ZNF704: variants seen among roughly 807,000 people sequenced by gnomAD.
ZNF704 encodes the protein zinc finger protein 704, also known as glucocorticoid induced gene 1.
Under a neutral mutation model 44.7 loss-of-function variants are expected in ZNF704, and 10 were observed. That is an observed-to-expected ratio of 0.22 (90% confidence interval 0.14 to 0.38). ZNF704 has a LOEUF of 0.38. Among genes scored for constraint, ZNF704 ranks in the 10% least tolerant of loss-of-function variants. The pLI is 1.00. For missense variants in ZNF704, 390 were observed against 545.5 expected, an observed-to-expected ratio of 0.71 and a Z score of 2.84; for synonymous variants, 211 against 207.6, an observed-to-expected ratio of 1.02 and a Z score of -0.14.
intron 1 of ZNF704, among the ~76,000 whole-genome samples, chr8:80,862,556 T>A (rs1362200691): frequency 2.1e-5 from 3 of 144,188 alleles, no homozygotes; most frequent in Admixed American, 7.0e-5. Context: ...GGGCGAGAGT[T>A]CGAGACCAGC....
At chr8:80,756,575 T>C (rs1231694041) in intron 2 of ZNF704, among the ~76,000 whole-genome samples, 1 of 152,236 alleles carries the variant, frequency 6.6e-6, no homozygotes, top group African/African-American at 2.4e-5. Context: ...TATGCACTTC[T>C]AGTTGTCACA....
intron 7 of ZNF704, among the ~76,000 whole-genome samples, chr8:80,643,773 G>A (rs1817784082): frequency 6.6e-6 from 1 of 151,806 alleles, no homozygotes; most frequent in Non-Finnish European, 1.5e-5. Context: ...TATTTCTTTT[G>A]ATCCTCATGA....
At chr8:80,684,667 T>C (rs1818505298) in intron 4 of ZNF704, among the ~76,000 whole-genome samples, 1 of 152,238 alleles carries the variant, frequency 6.6e-6, no homozygotes, top group African/African-American at 2.4e-5. Context: ...AAAATAACTG[T>C]ATTACAGTTA....
At chr8:80,835,135 C>A (rs919537756) in intron 1 of ZNF704, among the ~76,000 whole-genome samples, 2 of 152,064 alleles carry the variant, frequency 1.3e-5, no homozygotes, top group Admixed American at 6.5e-5. Flanking sequence ...AAGTTTCAAG[C>A]CTTTTATTTA....
intron 7 of ZNF704, among the ~76,000 whole-genome samples, chr8:80,651,115 C>A (rs565586753): frequency 1.3e-5 from 2 of 152,164 alleles, no homozygotes; most frequent in Non-Finnish European, 2.9e-5. Flanking sequence ...CAAGCAAATG[C>A]TGAGAGATTT....
chr8:80,727,477 GCA>G (rs1202482758), intron 2 of ZNF704, among the ~76,000 whole-genome samples: 1 of 151,310 alleles, frequency 6.6e-6, no homozygotes, highest in African/African-American at 2.4e-5. Flanking sequence ...TAACCAAAAC[GCA>G]CAGTTTGCTT....
At chr8:80,687,144 T>C (rs1225853110) in intron 4 of ZNF704, 82 bp downstream of exon 4, 1 of 1,228,400 alleles carries the variant, frequency 8.1e-7, no homozygotes, top group Non-Finnish European at 1.2e-6. Context: ...GGTCCAAGGT[T>C]AAGCTCACAC....
At chr8:80,769,251 T>A (rs1343432784) in intron 2 of ZNF704, among the ~76,000 whole-genome samples, 1 of 152,196 alleles carries the variant, frequency 6.6e-6, no homozygotes. Flanking sequence ...TACTCAGCAA[T>A]TATTAAATTA....
chr8:80,874,171 G>A lies in ZNF704; in HGVS notation c.-22+400C>T, dbSNP rs1280302063. ...GCCGCAAGGGGCTGCAGGAGCCGCC[G>A]GCCAGGACCCGCGGCTGCCACTGGC... On this transcript the variant is annotated intron_variant, in intron 1 of 8. Transcript: ENST00000327835. This position sits in a 1 kb window ranked among gnomAD's most constrained non-coding sequence, Gnocchi z 4.4. Among the ~76,000 whole-genome samples the A allele has an allele frequency of 6.8e-6, 1 of 146,542 alleles. No individual in the cohort carries two copies. Among genetic ancestry groups the A allele is most frequent in the African/African-American group, 2.4e-5 (1 of 40,896 alleles).
intron 1 of ZNF704, among the ~76,000 whole-genome samples, chr8:80,823,507 G>C (rs1808315334): frequency 6.6e-6 from 1 of 152,236 alleles, no homozygotes. Flanking sequence ...GGGCACAGCT[G>C]AACAAAAGGC....
chr8:80,786,131 C>T (rs1807609883), intron 2 of ZNF704, among the ~76,000 whole-genome samples: 1 of 152,128 alleles, frequency 6.6e-6, no homozygotes, highest in South Asian at 2.1e-4. Flanking sequence ...GGCATGGTGA[C>T]ATACACCTGT....
intron 2 of ZNF704, among the ~76,000 whole-genome samples, chr8:80,776,203 G>C (rs1296313831): frequency 6.6e-6 from 1 of 151,960 alleles, no homozygotes; most frequent in East Asian, 1.9e-4. Flanking sequence ...TCACTATTTT[G>C]GATTATTTAC....
chr8:80,752,522 G>A (rs1806960915), intron 2 of ZNF704, among the ~76,000 whole-genome samples: 1 of 149,540 alleles, frequency 6.7e-6, no homozygotes, highest in South Asian at 2.1e-4. Flanking sequence ...GCTCTGCTTT[G>A]GGGGTAAACT....
chr8:80,864,486 C>T (rs1314496359), intron 1 of ZNF704, among the ~76,000 whole-genome samples: 1 of 152,134 alleles, frequency 6.6e-6, no homozygotes, highest in Non-Finnish European at 1.5e-5. Context: ...TGTTATATTA[C>T]TCTTCCAATT....
chr8:80,872,386 T>C (rs1809267686), intron 1 of ZNF704, among the ~76,000 whole-genome samples: 1 of 152,236 alleles, frequency 6.6e-6, no homozygotes, highest in Admixed American at 6.5e-5. Flanking sequence ...TAATTGCCGA[T>C]GTTCAACATT....
chr8:80,687,782 T>C (rs1257695304), intron 3 of ZNF704, among the ~76,000 whole-genome samples: 1 of 152,216 alleles, frequency 6.6e-6, no homozygotes, highest in Non-Finnish European at 1.5e-5. Context: ...GTTCACTAAG[T>C]TTGGGGAGCT....
chr8:80,834,181 G>A (rs1480790442), intron 1 of ZNF704, among the ~76,000 whole-genome samples: 4 of 149,332 alleles, frequency 2.7e-5, no homozygotes, highest in Non-Finnish European at 4.4e-5. Flanking sequence ...GTGGCCGAGC[G>A]AGACCCTGAC....
chr8:80,882,370 A>G, the ZNF704 span, among the ~76,000 whole-genome samples: 1 of 152,236 alleles, frequency 6.6e-6, no homozygotes, highest in African/African-American at 2.4e-5. Context: ...TTGATCATTA[A>G]TGAAGAAAAA....
intron 2 of ZNF704, among the ~76,000 whole-genome samples, chr8:80,711,603 G>A (rs1006354811): frequency 2.6e-5 from 4 of 152,134 alleles, no homozygotes; most frequent in African/African-American, 4.8e-5. Flanking sequence ...GTCTTTAAAG[G>A]TCCTGTGATA....
Sources: gnomAD v4.1 joint callset for allele counts (sites outside exome capture counted in the v4.1 genomes callset) on GRCh38, gnomAD v4.1.1 for gene constraint, Gnocchi (gnomAD v3.1) non-coding constraint, MANE v1.5 for transcripts, NCBI Gene and HGNC (gene_info 2026-07-23, HGNC 2026-07-21) for gene names.